The following C9orf85 variants were observed in gnomAD, a reference collection of about 807,000 sequenced individuals.
The protein encoded by C9orf85 is chromosome 9 open reading frame 85.
C9orf85 carries 16 observed loss-of-function variants against 14.9 expected under a neutral mutation model. The ratio of observed to expected loss-of-function variants is 1.08; its 90% CI spans 0.73 to 1.63. C9orf85 has a LOEUF of 1.63. Ranked by LOEUF, C9orf85 falls within the 40% of genes most tolerant of loss-of-function variation. The pLI, the probability that C9orf85 is intolerant of heterozygous loss-of-function variation, is 0.00. For missense variants in C9orf85, 172 were observed against 186.1 expected, an observed-to-expected ratio of 0.92 and a Z score of 0.44; for synonymous variants, 45 against 56.8, an observed-to-expected ratio of 0.79 and a Z score of 0.93.
At chr9:71,922,447 C>G (rs553876655) in intron 1 of C9orf85, among the ~76,000 whole-genome samples, 30 of 152,304 alleles carry the variant, frequency 2.0e-4, no homozygotes, top group Non-Finnish European at 3.2e-4. Context: ...TCTTGCCCTA[C>G]CTGGCTATTC....
downstream of C9orf85, among the ~76,000 whole-genome samples, chr9:71,976,352 TTA>T (rs1822994312): frequency 6.6e-6 from 1 of 152,156 alleles, no homozygotes; most frequent in African/African-American, 2.4e-5. Flanking sequence ...ATCATAAAAC[TTA>T]TATGAGGAGC....
intron 2 of C9orf85, among the ~76,000 whole-genome samples, chr9:71,964,254 TG>T (rs1822620036): frequency 6.6e-6 from 1 of 152,056 alleles, no homozygotes; most frequent in Non-Finnish European, 1.5e-5. Flanking sequence ...CACAGACCAC[TG>T]GGCTCTACCA....
At chr9:71,964,650 C>T (rs1822638052) in intron 2 of C9orf85, among the ~76,000 whole-genome samples, 1 of 152,130 alleles carries the variant, frequency 6.6e-6, no homozygotes, top group African/African-American at 2.4e-5. Context: ...GACACGCCGC[C>T]TTTAAGAACT....
chr9:71,958,279 T>C (rs986853311), intron 2 of C9orf85, among the ~76,000 whole-genome samples: 2 of 94,896 alleles, frequency 2.1e-5, no homozygotes, highest in Admixed American at 1.2e-4. Context: ...TTTTTTTTTT[T>C]GAGACGGAGT....
intron 1 of C9orf85, among the ~76,000 whole-genome samples, chr9:71,925,548 AC>A (rs1243874827): frequency 2.0e-5 from 3 of 152,216 alleles, no homozygotes; most frequent in Non-Finnish European, 4.4e-5. Flanking sequence ...CAGGACAAAG[AC>A]AGGTCCCTTC....
At chr9:71,963,562 G>A (rs543736584) in intron 2 of C9orf85, among the ~76,000 whole-genome samples, 12 of 152,342 alleles carry the variant, frequency 7.9e-5, no homozygotes, top group African/African-American at 1.9e-4. Flanking sequence ...GCGGGAACCC[G>A]GGCTGCGCGA....
chr9:71,980,660 A>C (rs1186803800), intron 3 of C9orf85, among the ~76,000 whole-genome samples: 1 of 152,248 alleles, frequency 6.6e-6, no homozygotes, highest in East Asian at 1.9e-4. Context: ...GGAAAAACAT[A>C]TAATGAGTAA....
At chr9:71,971,448 T>G in intron 2 of C9orf85, 57 bp from the exon 3 acceptor site, 2 of 1,077,322 alleles carry the variant, frequency 1.9e-6, no homozygotes, top group Non-Finnish European at 2.7e-6. Flanking sequence ...ACATCTTATT[T>G]TATCAAATAA....
chr9:71,933,909 TA>T lies in C9orf85; in HGVS notation c.103-13095del, dbSNP rs767616247. The stretch of plus-strand genomic sequence containing the variant: ...ATTTTTAGACAAAGTTTCACCTCCT[TA>T]ACCAATCACCAACCAGAAAATATTT... On this transcript the variant is annotated intron_variant, in intron 1 of 3. Transcript: ENST00000334731. Among the ~76,000 whole-genome samples the T allele has an allele frequency of 2.9e-4, 44 of 152,288 alleles. 2 individuals carry two copies. Among genetic ancestry groups the T allele is most frequent in the South Asian group, 8.3e-4 (4 of 4,826 alleles).
intron 3 of C9orf85, among the ~76,000 whole-genome samples, chr9:71,979,645 A>G (rs1328247828): frequency 3.9e-5 from 6 of 152,202 alleles, no homozygotes; most frequent in Non-Finnish European, 8.8e-5. Flanking sequence ...TACCACCCAT[A>G]AAGGTGTGAG....
intron 1 of C9orf85, among the ~76,000 whole-genome samples, chr9:71,942,799 A>G (rs1821971135): frequency 6.6e-6 from 1 of 151,762 alleles, no homozygotes; most frequent in Non-Finnish European, 1.5e-5. Context: ...GCTACTCAGG[A>G]GCCTGAGGTA....
chr9:71,964,160 T>A (rs867119745), intron 2 of C9orf85, among the ~76,000 whole-genome samples: 32 of 152,114 alleles, frequency 2.1e-4, no homozygotes, highest in South Asian at 1.7e-3. Context: ...ATAGACACTC[T>A]GTATCTAGCT....
chr9:71,919,686 T>C (rs1392032316), intron 1 of C9orf85, among the ~76,000 whole-genome samples: 1 of 152,106 alleles, frequency 6.6e-6, no homozygotes, highest in Non-Finnish European at 1.5e-5. Flanking sequence ...TTTTCCTTTG[T>C]GCCCTTTTCA....
chr9:71,929,693 T>C (rs978984904), intron 1 of C9orf85, among the ~76,000 whole-genome samples: 1 of 151,938 alleles, frequency 6.6e-6, no homozygotes, highest in Non-Finnish European at 1.5e-5. Context: ...CCAGCATGTT[T>C]GGCCTTATTT....
intron 1 of C9orf85, among the ~76,000 whole-genome samples, chr9:71,929,892 C>T (rs531625405): frequency 6.7e-6 from 1 of 149,246 alleles, no homozygotes; most frequent in Non-Finnish European, 1.5e-5. Flanking sequence ...TGGATTCTGC[C>T]TCTGCTGCTT....
intron 3 of C9orf85, among the ~76,000 whole-genome samples, chr9:71,981,290 G>A (rs1823090889): frequency 6.6e-6 from 1 of 152,186 alleles, no homozygotes; most frequent in Non-Finnish European, 1.5e-5. Context: ...TATTTTTCCA[G>A]TCATACAGCA....
At chr9:71,958,778 C>G (rs915594671) in intron 2 of C9orf85, among the ~76,000 whole-genome samples, 1 of 152,078 alleles carries the variant, frequency 6.6e-6, no homozygotes, top group African/African-American at 2.4e-5. Flanking sequence ...CTTTAAAAGT[C>G]TCTCTGAGGG....
At chr9:71,927,522 C>T (rs1368975953) in intron 1 of C9orf85, among the ~76,000 whole-genome samples, 2 of 152,096 alleles carry the variant, frequency 1.3e-5, no homozygotes, top group Non-Finnish European at 2.9e-5. Context: ...TAAATGCAAG[C>T]TAACGATCTT....
intron 1 of C9orf85, among the ~76,000 whole-genome samples, chr9:71,921,026 A>G (rs1827789075): frequency 6.6e-6 from 1 of 152,212 alleles, no homozygotes; most frequent in Admixed American, 6.5e-5. Flanking sequence ...ACCAGCAGTA[A>G]CATTAAAATA....
Sources: allele counts gnomAD v4.1 joint callset (sites outside exome capture counted in the v4.1 genomes callset), GRCh38; gene constraint gnomAD v4.1.1; transcripts MANE v1.5; gene names NCBI Gene and HGNC (gene_info 2026-07-23, HGNC 2026-07-21).